Variants in SYNE2 observed in about 807,000 individuals in gnomAD.
SYNE2 encodes spectrin repeat containing nuclear envelope protein 2, also known as nesprin-2.
SYNE2 carries 431 observed loss-of-function variants against 856.3 expected under a neutral mutation model. The observed-to-expected ratio is 0.50, with a 90% CI of 0.47 to 0.55. SYNE2 has a LOEUF of 0.55. Ranked by LOEUF, SYNE2 falls within the 20% of genes least tolerant of loss-of-function variation. The pLI, the probability that SYNE2 is intolerant of heterozygous loss-of-function variation, is 0.00. For synonymous variants in SYNE2, 2,923 were observed against 2,872.3 expected (o/e 1.02, Z -0.56); for missense variants, 8,129 against 8,023.2 (o/e 1.01, Z -0.50).
Position 64,210,027 on chromosome 14 carries a change from C to T in SYNE2, c.18626C>T (p.Thr6209Ile), listed in dbSNP as rs1242251770. ...QYRRLARENRTDTASRLKQMV... is the reference protein window; with the variant it reads ...QYRRLARENRIDTASRLKQMV... ...CGGCGGCTGGCCCGGGAGAACCGCA[C>T]AGACACGGCCAGCAGGCTGAAGCAG... Residue 6209 changes from threonine to isoleucine, a missense_variant, in exon 103 of 116, where the codon ACA becomes ATA. Coordinates refer to ENST00000555002, the MANE Select transcript of SYNE2 (RefSeq NM_182914.3). 2 of 1,614,016 alleles carry T rather than the reference C, an allele frequency of 1.2e-6. No individual in the cohort carries two copies. The highest frequency in any genetic ancestry group is 4.5e-5 in the East Asian group (2 of 44,888).
At chr14:63,990,659 A>G in intron 20 of SYNE2, 90 bp downstream of exon 20, 1 of 1,149,894 alleles carries the variant, frequency 8.7e-7, no homozygotes, top group South Asian at 1.3e-5. Flanking sequence ...ATAGCCCTGT[A>G]GCTTGGAAAT....
Position 63,777,921 on chromosome 14 carries a change from A to G in SYNE2, c.-305+15935A>G, listed in dbSNP as rs911209619. 2.6e-5 allele frequency among the ~76,000 whole-genome samples: 4 copies of G among 152,100 alleles called. No individual in the cohort carries two copies. The East Asian group carries it at 5.8e-4, about 22-fold the overall frequency. On this transcript the variant is annotated intron_variant, in intron 1 of 23. Transcript: ENST00000674003. ...TGGCCTCTATTGATCCTCCCATCTC[A>G]GCCTCCCAAATGCTGGGATTACAGG...
intron 35 of SYNE2, among the ~76,000 whole-genome samples, chr14:64,020,651 C>G (rs2096929465): frequency 6.6e-6 from 1 of 152,082 alleles, no homozygotes; most frequent in Non-Finnish European, 1.5e-5. Context: ...TGATTATTTT[C>G]TATGTGTTTC....
intron 70 of SYNE2, among the ~76,000 whole-genome samples, chr14:64,124,211 A>G (rs893336636): frequency 4.0e-5 from 6 of 151,832 alleles, no homozygotes; most frequent in African/African-American, 1.5e-4. Flanking sequence ...GTCTCAAAAA[A>G]AGAGACGGGT....
Position 64,098,732 on chromosome 14 carries a change from T to C in SYNE2, c.12307-15T>C. ...GGCAAGCAGACTGCAGGTATTCTTGTGCTGTGCCTTTCAGTTGAACAGAAG... is the reference window on the plus strand; with the variant it reads ...GGCAAGCAGACTGCAGGTATTCTTGCGCTGTGCCTTTCAGTTGAACAGAAG... On this transcript the variant is annotated splice_polypyrimidine_tract_variant and intron_variant, in intron 62 of 115. Coordinates refer to ENST00000555002, the MANE Select transcript of SYNE2 (RefSeq NM_182914.3). 6.2e-7 allele frequency: 1 copy of C among 1,613,646 alleles called. No individual in the cohort carries two copies.
intron 1 of SYNE2, among the ~76,000 whole-genome samples, chr14:63,783,372 ACTT>A (rs572775405): frequency 7.3e-4 from 111 of 151,970 alleles, no homozygotes; most frequent in East Asian, 1.7e-3. Context: ...AGTCTCGGGC[ACTT>A]CTTCTTCTTC....
intron 63 of SYNE2, among the ~76,000 whole-genome samples, chr14:64,100,532 ATATATATATATATATAT>A (rs541068231): frequency 0.12 from 5,370 of 43,194 alleles, 710 homozygotes; most frequent in South Asian, 0.24. Flanking sequence ...AAAAAAAAAA[ATATATATATATATATAT>A]ATATATATAT....
chr14:64,020,305 A>G (rs1056413739), intron 35 of SYNE2, among the ~76,000 whole-genome samples: 4 of 152,224 alleles, frequency 2.6e-5, no homozygotes, highest in African/African-American at 2.4e-5. Context: ...CACATGAAAT[A>G]CACTAACAAT....
Position 64,128,451 on chromosome 14 carries a change from G to A in SYNE2, c.13918-1G>A. 1 of 1,491,350 alleles carries A rather than the reference G, an allele frequency of 6.7e-7. No individual in the cohort carries two copies. The highest frequency in any genetic ancestry group is 9.4e-7 in the Non-Finnish European group (1 of 1,068,302). 92.4% of individuals were successfully genotyped at this position (1,491,350 alleles called of 1,614,324 possible). A position where few individuals can be genotyped will look rare whatever the true frequency, so the allele number is the denominator to read the frequency against. On this transcript the variant is annotated splice_acceptor_variant, in intron 73 of 115. Transcript: ENST00000555002. LOFTEE classifies it high-confidence loss of function. Reference sequence around the variant, plus strand: ...CTCAGTTTCCGACATTTATCTTACAGAATGAAATAAAGAGATTATATCATC... The same window carrying A: ...CTCAGTTTCCGACATTTATCTTACAAAATGAAATAAAGAGATTATATCATC...
In SYNE2 at chr14:64,074,070, A is replaced by G. The variant is rs1399522407; in HGVS notation, c.10800A>G (p.Gln3600=). ...KEIIALKNFF[Q]QTTTSFQNMA... ...TAATTGCTTTGAAGAATTTCTTTCA[A>G]CAGACCACAACTTCATTCCAAAATA... The change falls in exon 53 of 116, where the codon CAA becomes CAG. Residue 3600 remains glutamine, a synonymous_variant. Transcript: ENST00000555002. The G allele has an allele frequency of 6.2e-7, 1 of 1,614,236 alleles. No individual in the cohort carries two copies. Among genetic ancestry groups the G allele is most frequent in the Non-Finnish European group, 8.5e-7 (1 of 1,180,032 alleles).
chr14:64,206,563 CTT>C (rs558072315), intron 100 of SYNE2, among the ~76,000 whole-genome samples: 17 of 131,016 alleles, frequency 1.3e-4, no homozygotes, highest in African/African-American at 8.4e-5. Context: ...AATGTTTGGG[CTT>C]TTTTTTTTTT....
rs770225731 is a variant in SYNE2 at position 64,167,239 on chromosome 14, G to T, written c.16612G>T (p.Val5538Leu). The T allele has an allele frequency of 8.7e-6, 14 of 1,614,036 alleles. No individual in the cohort carries two copies. The highest frequency in any genetic ancestry group is 5.1e-6 in the Non-Finnish European group (6 of 1,180,046). ...KENPDSFLNH[V>L]LALTAQSPDI... is the part of the protein sequence containing the mutation. ...TTCAATTTTTTAAAAATAGAATCAT[G>T]TGCTGGCACTGACAGCCCAATCACC... The change falls in exon 91 of 116, where the codon GTG becomes TTG. Residue 5538 changes from valine to leucine, a missense_variant. Transcript: ENST00000555002.
chr14:64,215,801 G>T, intron 107 of SYNE2: 2 of 532,890 alleles, frequency 3.8e-6, no homozygotes, highest in Non-Finnish European at 5.7e-6. Flanking sequence ...TCCTTTCCTT[G>T]ATTTGCAGCT....
At chr14:64,164,135 T>A (rs1287307109) in intron 89 of SYNE2, among the ~76,000 whole-genome samples, 1 of 147,960 alleles carries the variant, frequency 6.8e-6, no homozygotes, top group Non-Finnish European at 1.5e-5. Flanking sequence ...TATTTTGAGA[T>A]GTCTCGTTCT....
At chr14:64,038,626 C>T (rs978375734) in intron 45 of SYNE2, among the ~76,000 whole-genome samples, 5 of 152,228 alleles carry the variant, frequency 3.3e-5, no homozygotes, top group South Asian at 4.1e-4. Flanking sequence ...GATCACTCGG[C>T]GGTTAGGAGC....
intron 2 of SYNE2, among the ~76,000 whole-genome samples, chr14:63,921,371 G>A (rs763929474): frequency 2.6e-4 from 40 of 152,146 alleles, no homozygotes; most frequent in Non-Finnish European, 4.1e-4. Flanking sequence ...AGTCCTTAGT[G>A]TGTAAATGGC....
rs1310679444 is a variant in SYNE2 at position 64,053,482 on chromosome 14, A to G, written c.9569A>G (p.Asp3190Gly). 6.2e-7 allele frequency: 1 copy of G among 1,614,202 alleles called. No individual in the cohort carries two copies. The highest frequency in any genetic ancestry group is 8.5e-7 in the Non-Finnish European group (1 of 1,180,032). The change falls in exon 48 of 116, where the codon GAC becomes GGC. Residue 3190 changes from aspartate to glycine, a missense_variant. Asp to Gly is a moderately conservative substitution (Grantham distance 94). Around this residue, in one of 3 missense-constraint regions of SYNE2, gnomAD observed 5,410 missense variants for 5,284.8 expected, o/e 1.02. Coordinates refer to ENST00000555002, the MANE Select transcript of SYNE2 (RefSeq NM_182914.3). ...LEIKHIQNEK[D>G]NCEAFQEQVW... ...ATTAAACATATTCAAAATGAAAAGG[A>G]CAATTGTGAAGCATTTCAGGAGCAA...
chr14:64,038,327 G>A (rs866773938), intron 45 of SYNE2, among the ~76,000 whole-genome samples: 6 of 152,266 alleles, frequency 3.9e-5, no homozygotes, highest in Admixed American at 6.5e-5. Context: ...ATGAGATGGC[G>A]GCCGGGCAGA....
At position 64,223,320 on chromosome 14, in the gene SYNE2, G is replaced by A. The variant is rs375687942; in HGVS notation, c.20322G>A (p.Lys6774=). Residue 6774 remains lysine (K), a synonymous_variant, in exon 113 of 116, where the codon AAG becomes AAA. Transcript: ENST00000555002. ...EAEEKVHVIE[K]KLKQLREQVS... The stretch of plus-strand genomic sequence containing the variant: ...AAGAAAAGGTGCATGTTATTGAGAA[G>A]AAACTCAAACAGTTACGGGAGCAAG... 180 of 1,614,086 alleles carry A rather than the reference G, an allele frequency of 1.1e-4. No individual in the cohort carries two copies. Among genetic ancestry groups the A allele is most frequent in the Admixed American group, 3.0e-4 (18 of 60,014 alleles).
Sources: gnomAD v4.1 joint callset for allele counts (sites outside exome capture counted in the v4.1 genomes callset) on GRCh38, gnomAD v4.1.1 for gene constraint, gnomAD v4.1.1 regional missense constraint, MANE v1.5 for transcripts, NCBI Gene and HGNC (gene_info 2026-07-23, HGNC 2026-07-21) for gene names.